DMD: variants seen among roughly 807,000 people sequenced by gnomAD.
The protein encoded by DMD is mutant dystrophin.
In DMD, 63 loss-of-function variants were observed where a neutral mutation model predicts 330.1. The observed-to-expected ratio is 0.19, with a 90% CI of 0.16 to 0.24. DMD has a LOEUF of 0.24. DMD is among the 10% of genes least tolerant of loss of function. The probability of loss-of-function intolerance (pLI) is 1.00; values close to 1 mark genes in which losing one functional copy is unlikely to be tolerated. For synonymous variants in DMD, 1,223 were observed against 959.8 expected, an observed-to-expected ratio of 1.27 and a Z score of -5.07; for missense variants, 3,344 against 2,684.1, an observed-to-expected ratio of 1.25 and a Z score of -5.43.
At chrX:32,938,232 ATAT>A (rs1230237773) in intron 2 of DMD, among the ~76,000 whole-genome samples, 22 of 111,686 alleles carry the variant, frequency 2.0e-4, no homozygotes, top group African/African-American at 4.9e-4. Flanking sequence ...CTTGCTGATA[ATAT>A]TATATATGAA....
chrX:32,984,746 A>G (rs2092800251), intron 2 of DMD, among the ~76,000 whole-genome samples: 1 of 111,644 alleles, frequency 9.0e-6, no homozygotes, highest in Non-Finnish European at 1.9e-5. Flanking sequence ...TTGTAGGAGT[A>G]AGGAGGTAAC....
Position 31,861,944 on chromosome X carries a change from T to TACACAC in DMD, c.7098+13243_7098+13244insGTGTGT, listed in dbSNP as rs750851260. Reference sequence around the variant, plus strand: ...TTAAGAGGACAAGAGTAGAAAATAATATACACACACACACACACACACACA... The same window carrying TACACAC: ...TTAAGAGGACAAGAGTAGAAAATAATACACACATACACACACACACACACACACACA... On this transcript the variant is annotated intron_variant, in intron 48 of 78. Transcript: ENST00000357033. Among the ~76,000 whole-genome samples, 154 of 33,953 alleles carry TACACAC rather than the reference T, an allele frequency of 4.5e-3. No individual in the cohort carries two copies. In the South Asian group the frequency reaches 0.047, roughly 10 times the overall value. 29.5% of individuals were successfully genotyped at this position (33,953 alleles called of 115,157 possible). A position where few individuals can be genotyped will look rare whatever the true frequency, so the allele number is the denominator to read the frequency against.
chrX:33,186,665 A>G (rs1244196821), intron 1 of DMD, among the ~76,000 whole-genome samples: 1 of 111,520 alleles, frequency 9.0e-6, no homozygotes, highest in African/African-American at 3.2e-5. Context: ...TGCTCACTGG[A>G]GAAACTTTGA....
At chrX:32,638,221 C>G (rs1363808012) in intron 11 of DMD, among the ~76,000 whole-genome samples, 2 of 112,130 alleles carry the variant, frequency 1.8e-5, no homozygotes, top group Non-Finnish European at 3.8e-5. Context: ...GCACCAGAAT[C>G]TTGCTACTGC....
intron 15 of DMD, among the ~76,000 whole-genome samples, chrX:32,569,805 C>A (rs965688367): frequency 1.4e-4 from 15 of 110,676 alleles, no homozygotes; most frequent in African/African-American, 4.9e-4. Flanking sequence ...CCCTGCTTCC[C>A]CAGAGCTGTC....
chrX:33,182,197 C>T (rs1336894950), intron 1 of DMD, among the ~76,000 whole-genome samples: 2 of 111,840 alleles, frequency 1.8e-5, no homozygotes, highest in Admixed American at 9.5e-5. Flanking sequence ...AAGAGAAGGA[C>T]GTCGCTATTT....
rs1244557174 is a variant in DMD at position 32,100,959 on chromosome X, G to A, written c.6438+115957C>T. ...TTGTCTTTATTTCTTTAAGTTTCTCGAGGCAAATATTTAGTGTTACAGATC... is the reference window on the plus strand; with the variant it reads ...TTGTCTTTATTTCTTTAAGTTTCTCAAGGCAAATATTTAGTGTTACAGATC... On this transcript the variant is annotated intron_variant, in intron 44 of 78. Coordinates refer to ENST00000357033, the MANE Select transcript of DMD (RefSeq NM_004006.3). Among the ~76,000 whole-genome samples, 7 of 111,243 alleles carry A rather than the reference G, an allele frequency of 6.3e-5. No individual in the cohort carries two copies. In the East Asian group the frequency reaches 1.4e-3, roughly 23 times the overall value.
rs1053125073 is a variant in DMD at position 32,778,029 on chromosome X, G to A, written c.649+31464C>T. On this transcript the variant is annotated intron_variant, in intron 7 of 78. Coordinates refer to ENST00000357033, the MANE Select transcript of DMD (RefSeq NM_004006.3). ...TATATGTCTGAATATTACTGGAAAAGAGACTGTAGGTGAGACCTGGGCTTC... is the reference window on the plus strand; with the variant it reads ...TATATGTCTGAATATTACTGGAAAAAAGACTGTAGGTGAGACCTGGGCTTC... 1.8e-5 allele frequency among the ~76,000 whole-genome samples: 2 copies of A among 111,775 alleles called. 1 individual carries two copies. The highest frequency in any genetic ancestry group is 7.5e-4 in the South Asian group (2 of 2,667).
At chrX:32,961,824 C>A (rs774884299) in intron 2 of DMD, among the ~76,000 whole-genome samples, 199 of 111,528 alleles carry the variant, frequency 1.8e-3, no homozygotes, top group African/African-American at 6.1e-3. Context: ...TTTGTCCCCT[C>A]TTAATGATAG....
chrX:32,453,982 A>T (rs1319567316), intron 26 of DMD, among the ~76,000 whole-genome samples: 1 of 111,102 alleles, frequency 9.0e-6, no homozygotes, highest in East Asian at 2.8e-4. Flanking sequence ...CAGTTCATAC[A>T]TTCAAGTGAG....
At chrX:32,918,169 C>A (rs1485602488) in intron 2 of DMD, among the ~76,000 whole-genome samples, 1 of 110,416 alleles carries the variant, frequency 9.1e-6, no homozygotes, top group Non-Finnish European at 1.9e-5. Context: ...TGTAGGAATC[C>A]TCTGTTGGAC....
chrX:31,919,101 AT>A (rs781113313), intron 47 of DMD, among the ~76,000 whole-genome samples: 9 of 111,482 alleles, frequency 8.1e-5, no homozygotes, highest in African/African-American at 2.9e-4. Context: ...CTGAATATTA[AT>A]TTTTTTCTCT....
intron 7 of DMD, among the ~76,000 whole-genome samples, chrX:32,755,799 C>T (rs1312631405): frequency 8.9e-6 from 1 of 111,853 alleles, no homozygotes; most frequent in Non-Finnish European, 1.9e-5. Flanking sequence ...GGTTGTGTAT[C>T]AAAAGGCAGA....
chrX:33,033,053 C>T (rs1484688243), intron 1 of DMD, among the ~76,000 whole-genome samples: 1 of 110,799 alleles, frequency 9.0e-6, no homozygotes, highest in East Asian at 2.9e-4. Context: ...AAAAGAAATC[C>T]TGGGAGCTAA....
chrX:32,663,681 C>T (rs1396751977), intron 9 of DMD, among the ~76,000 whole-genome samples: 1 of 111,696 alleles, frequency 9.0e-6, no homozygotes, highest in Non-Finnish European at 1.9e-5. Flanking sequence ...TCTAAGTTCT[C>T]ATTCAGTGAA....
chrX:32,819,473 C>T (rs2078041284), intron 5 of DMD, among the ~76,000 whole-genome samples: 3 of 111,162 alleles, frequency 2.7e-5, no homozygotes, highest in Admixed American at 1.9e-4. Context: ...AAGAATTGCA[C>T]TTAAGAAGGA....
intron 2 of DMD, among the ~76,000 whole-genome samples, chrX:32,890,271 T>A (rs2085069260): frequency 9.0e-6 from 1 of 111,648 alleles, no homozygotes; most frequent in African/African-American, 3.3e-5. Flanking sequence ...TGAAGAGCCT[T>A]GTGGACTGCT....
intron 45 of DMD, among the ~76,000 whole-genome samples, chrX:31,962,125 C>T (rs1204261098): frequency 1.8e-5 from 2 of 111,125 alleles, no homozygotes; most frequent in East Asian, 2.8e-4. Flanking sequence ...TCTGTGCCTT[C>T]GTTGCCCTCC....
intron 52 of DMD, among the ~76,000 whole-genome samples, chrX:31,686,992 T>G (rs939161849): frequency 9.0e-6 from 1 of 110,908 alleles, no homozygotes; most frequent in African/African-American, 3.3e-5. Context: ...CACAGTAGGA[T>G]GGGGCATGGG....
Sources: allele counts gnomAD v4.1 joint callset (sites outside exome capture counted in the v4.1 genomes callset), GRCh38; gene constraint gnomAD v4.1.1; transcripts MANE v1.5; gene names NCBI Gene and HGNC (gene_info 2026-07-23, HGNC 2026-07-21).